Variants in DNAH7 observed in about 807,000 individuals in gnomAD.
The protein encoded by DNAH7 is dynein axonemal heavy chain 7, also known as axonemal beta dynein heavy chain 7.
A neutral mutation model predicts 444.6 loss-of-function variants in DNAH7; 397 were observed. The observed-to-expected ratio is 0.89, with a 90% confidence interval of 0.82 to 0.97. The LOEUF is 0.97. Ranked by LOEUF, DNAH7 falls within the 50% of genes least tolerant of loss-of-function variation. The pLI is 0.00. For synonymous variants in DNAH7, 1,636 were observed against 1,624.4 expected (o/e 1.01, Z -0.17); for missense variants, 4,902 against 4,800.8 (o/e 1.02, Z -0.62).
At chr2:195,842,677 G>A (rs1195893103) in intron 47 of DNAH7, among the ~76,000 whole-genome samples, 2 of 151,976 alleles carry the variant, frequency 1.3e-5, no homozygotes, top group Non-Finnish European at 2.9e-5. Flanking sequence ...AAAGATGTAG[G>A]GGTTATGACT....
intron 22 of DNAH7, among the ~76,000 whole-genome samples, chr2:195,926,164 C>T (rs1688318063): frequency 6.6e-6 from 1 of 151,892 alleles, no homozygotes; most frequent in Admixed American, 6.6e-5. Flanking sequence ...TATATAATAA[C>T]AAGATTGAGG....
At chr2:195,800,194 T>C (rs1696378104) in intron 54 of DNAH7, among the ~76,000 whole-genome samples, 1 of 152,144 alleles carries the variant, frequency 6.6e-6, no homozygotes, top group South Asian at 2.1e-4. Flanking sequence ...ACACCTCCCA[T>C]TAGGCCTCTC....
chr2:195,778,470 C>A (rs1308460935), intron 58 of DNAH7, among the ~76,000 whole-genome samples: 1 of 146,218 alleles, frequency 6.8e-6, no homozygotes, highest in Non-Finnish European at 1.5e-5. Context: ...AGACCCTGTC[C>A]CTACCAAAAA....
intron 54 of DNAH7, among the ~76,000 whole-genome samples, chr2:195,802,688 A>C (rs1034855901): frequency 1.6e-4 from 24 of 151,950 alleles, no homozygotes; most frequent in African/African-American, 5.1e-4. Context: ...CAAAATCAAA[A>C]AGGAAAAACA....
At chr2:195,845,643 C>T (rs954175618) in intron 46 of DNAH7, among the ~76,000 whole-genome samples, 14 of 152,152 alleles carry the variant, frequency 9.2e-5, no homozygotes, top group Admixed American at 3.3e-4. Context: ...ACCAAAACAG[C>T]ATGATACTGG....
chr2:196,050,996 A>C, intron 3 of DNAH7, among the ~76,000 whole-genome samples, 191 bp downstream of exon 3: 1 of 152,372 alleles, frequency 6.6e-6, no homozygotes, highest in African/African-American at 2.4e-5. Context: ...TATTCTACAT[A>C]TACAGGTAAT....
At chr2:196,063,520 T>A (rs1254823908) in intron 1 of DNAH7, 2 of 152,240 alleles carry the variant, frequency 1.3e-5, no homozygotes, top group African/African-American at 4.8e-5. Flanking sequence ...CCCAACTGAA[T>A]TTGTTGCCAA....
intron 51 of DNAH7, among the ~76,000 whole-genome samples, chr2:195,816,314 AATT>A (rs1264183556): frequency 6.6e-6 from 1 of 152,174 alleles, no homozygotes; most frequent in Non-Finnish European, 1.5e-5. Flanking sequence ...ATATTTTAAA[AATT>A]ATTAACTACT....
chr2:195,942,170 G>A (rs1391565969), intron 19 of DNAH7, among the ~76,000 whole-genome samples: 2 of 152,078 alleles, frequency 1.3e-5, no homozygotes, highest in Admixed American at 6.6e-5. Flanking sequence ...AAAGTCAAAG[G>A]TGGGTTAATT....
chr2:196,026,651 CATAATT>C (rs1259730176), intron 7 of DNAH7, 103 bp downstream of exon 7: 29 of 731,490 alleles, frequency 4.0e-5, no homozygotes, highest in Middle Eastern at 3.9e-4. Flanking sequence ...TAAGAAATGG[CATAATT>C]ATAATATTGT....
At chr2:195,748,901 A>G (rs1314374284) in intron 63 of DNAH7, among the ~76,000 whole-genome samples, 2 of 152,222 alleles carry the variant, frequency 1.3e-5, no homozygotes, top group Non-Finnish European at 2.9e-5. Flanking sequence ...AAACCAAGGC[A>G]TTACCATTCA....
intron 5 of DNAH7, among the ~76,000 whole-genome samples, chr2:196,045,461 A>G (rs1047606413): frequency 3.3e-5 from 5 of 152,078 alleles, no homozygotes; most frequent in African/African-American, 9.7e-5. Flanking sequence ...AGAAATGAGG[A>G]GTGGAATGCA....
chr2:195,820,520 C>T (rs983419188), intron 49 of DNAH7, among the ~76,000 whole-genome samples: 1 of 151,466 alleles, frequency 6.6e-6, no homozygotes, highest in African/African-American at 2.4e-5. Flanking sequence ...ACAAAAATTT[C>T]AGCAACTACC....
At chr2:195,790,144 G>C (rs1158200620) in intron 57 of DNAH7, among the ~76,000 whole-genome samples, 2 of 151,966 alleles carry the variant, frequency 1.3e-5, no homozygotes, top group African/African-American at 4.8e-5. Flanking sequence ...TCTACAAGGA[G>C]AACCACAAAA....
intron 48 of DNAH7, among the ~76,000 whole-genome samples, chr2:195,831,815 T>C (rs915588405): frequency 3.3e-5 from 5 of 151,906 alleles, no homozygotes; most frequent in Admixed American, 6.5e-5. Flanking sequence ...TATGGTGATA[T>C]GATATACACA....
chr2:195,744,353 C>G (rs980334141), intron 63 of DNAH7, among the ~76,000 whole-genome samples: 22 of 152,226 alleles, frequency 1.4e-4, no homozygotes, highest in Non-Finnish European at 1.9e-4. Context: ...GTAAACAAAG[C>G]AGCCAGGAAG....
chr2:195,911,004 T>G (rs924202211), intron 24 of DNAH7, among the ~76,000 whole-genome samples: 1 of 152,128 alleles, frequency 6.6e-6, no homozygotes, highest in African/African-American at 2.4e-5. Flanking sequence ...CAGAGATAAA[T>G]ATGAAACTGC....
At chr2:196,059,153 A>C (rs1324150677) in intron 1 of DNAH7, among the ~76,000 whole-genome samples, 2 of 151,452 alleles carry the variant, frequency 1.3e-5, no homozygotes, top group African/African-American at 4.9e-5. Flanking sequence ...CTTCTCTATA[A>C]CTAAAACTTC....
chr2:195,740,848 A>G lies in DNAH7; in HGVS notation c.11786T>C (p.Phe3929Ser). ...TCTATTCCAGGAAGCTCCATCCAGA[A>G]ATAATCCGTGAATGAAAACACCTAA... ...PEDGVFIHGL[F>S]LDGASWNRKI... The change falls in exon 64 of 65, where the codon TTT becomes TCT. Residue 3929 changes from phenylalanine to serine, a missense_variant. Transcript: ENST00000312428. 1 of 1,557,184 alleles carries G rather than the reference A, an allele frequency of 6.4e-7. No individual in the cohort carries two copies. The highest frequency in any genetic ancestry group is 1.3e-5 in the South Asian group (1 of 79,298).
Sources: gnomAD v4.1 joint callset for allele counts (sites outside exome capture counted in the v4.1 genomes callset) on GRCh38, gnomAD v4.1.1 for gene constraint, MANE v1.5 for transcripts, NCBI Gene and HGNC (gene_info 2026-07-23, HGNC 2026-07-21) for gene names.